The following PAIP2B variants were observed in gnomAD, a reference collection of about 807,000 sequenced individuals.
The protein encoded by PAIP2B is poly(A) binding protein interacting protein 2B.
In PAIP2B, 13 loss-of-function variants were observed where a neutral mutation model predicts 17.0. The observed-to-expected ratio is 0.76, with a 90% CI of 0.50 to 1.22. The LOEUF (loss-of-function observed/expected upper bound fraction) is 1.22, where lower values mean the gene tolerates loss of function less well. PAIP2B is among the 50% of genes most tolerant of loss of function. The probability of loss-of-function intolerance (pLI) is 0.00; values close to 1 mark genes in which losing one functional copy is unlikely to be tolerated. For synonymous variants in PAIP2B, 43 were observed against 48.7 expected, an observed-to-expected ratio of 0.88 and a Z score of 0.48; for missense variants, 117 against 144.5, an observed-to-expected ratio of 0.81 and a Z score of 0.98.
At chr2:71,199,447 G>A (rs973882907) in intron 2 of PAIP2B, among the ~76,000 whole-genome samples, 1 of 151,196 alleles carries the variant, frequency 6.6e-6, no homozygotes, top group African/African-American at 2.4e-5. Context: ...TGACCCATAA[G>A]ATTTTACAAT....
At chr2:71,188,636 G>C in intron 3 of PAIP2B, 101 bp from the exon 4 acceptor site, 1 of 994,966 alleles carries the variant, frequency 1.0e-6, no homozygotes, top group Non-Finnish European at 1.5e-6. Context: ...TTTAGGGAGA[G>C]AAAGAAAATT....
At chr2:71,207,051 A>G (rs1425680888) in intron 1 of PAIP2B, among the ~76,000 whole-genome samples, 2 of 152,182 alleles carry the variant, frequency 1.3e-5, no homozygotes, top group Non-Finnish European at 2.9e-5. Flanking sequence ...GTGCTGAGGC[A>G]CTGGGCTTGA....
chr2:71,206,565 T>A (rs942123069), intron 1 of PAIP2B, among the ~76,000 whole-genome samples: 21 of 152,216 alleles, frequency 1.4e-4, no homozygotes, highest in African/African-American at 5.1e-4. Flanking sequence ...TAGGGACTTA[T>A]GTTCCAAGTT....
intron 1 of PAIP2B, among the ~76,000 whole-genome samples, chr2:71,212,244 G>A (rs1236442565): frequency 3.9e-5 from 6 of 152,076 alleles, no homozygotes; most frequent in East Asian, 1.9e-4. Context: ...TACAATCTCC[G>A]AGCCTAAGGT....
In PAIP2B at chr2:71,182,844, T is replaced by G. The variant is rs1456984425; in HGVS notation, c.*5635A>C. On this transcript the variant is annotated 3_prime_UTR_variant, in exon 4 of 4. Coordinates refer to ENST00000244221, the MANE Select transcript of PAIP2B (RefSeq NM_020459.1). ...TTTTTGATATTTTTATGAAAATTAT[T>G]TTCTTCAGTTTTAAAGCCCTGTCCC... The G allele has an allele frequency of 6.6e-6, 1 of 152,076 alleles. No homozygotes were observed. Among genetic ancestry groups the G allele is most frequent in the Non-Finnish European group, 1.5e-5 (1 of 68,028 alleles). 9.4% of individuals were successfully genotyped at this position (152,076 alleles called of 1,614,324 possible).
intron 1 of PAIP2B, among the ~76,000 whole-genome samples, chr2:71,212,287 TTGTA>T (rs1675321312): frequency 6.6e-6 from 1 of 152,174 alleles, no homozygotes; most frequent in East Asian, 1.9e-4. Context: ...TCACATTTGA[TTGTA>T]TGTATATTTG....
chr2:71,188,614 C>T, intron 3 of PAIP2B, 79 bp from the exon 4 acceptor site: 2 of 1,212,776 alleles, frequency 1.6e-6, no homozygotes, highest in Non-Finnish European at 2.4e-6. Flanking sequence ...TTATCAGTAC[C>T]TTCCCCTTAG....
chr2:71,194,674 T>C (rs1295087234), intron 2 of PAIP2B, among the ~76,000 whole-genome samples: 1 of 152,238 alleles, frequency 6.6e-6, no homozygotes, highest in Non-Finnish European at 1.5e-5. Flanking sequence ...AATCATGTTG[T>C]CTGCAAACAG....
chr2:71,225,295 T>C (rs569855054), intron 1 of PAIP2B, among the ~76,000 whole-genome samples: 1 of 152,310 alleles, frequency 6.6e-6, no homozygotes, highest in East Asian at 1.9e-4. Flanking sequence ...TTTTTCTTTA[T>C]ATACAAGATA....
chr2:71,206,835 C>G (rs750356114), intron 1 of PAIP2B, among the ~76,000 whole-genome samples: 1 of 152,182 alleles, frequency 6.6e-6, no homozygotes, highest in Non-Finnish European at 1.5e-5. Context: ...AAACTACTCC[C>G]TCCTATTTTG....
At chr2:71,212,215 G>T (rs1048419558) in intron 1 of PAIP2B, among the ~76,000 whole-genome samples, 3 of 152,150 alleles carry the variant, frequency 2.0e-5, no homozygotes, top group African/African-American at 4.8e-5. Flanking sequence ...TCAAATAAAT[G>T]CCACTATAAA....
intron 1 of PAIP2B, among the ~76,000 whole-genome samples, 187 bp from the exon 2 acceptor site, chr2:71,202,787 T>C (rs1449550348): frequency 6.6e-6 from 1 of 152,164 alleles, no homozygotes; most frequent in Non-Finnish European, 1.5e-5. Flanking sequence ...ACTAGACAGA[T>C]GTACAATTAT....
At position 71,188,412 on chromosome 2, in the gene PAIP2B, C is replaced by T; in HGVS notation, c.*67G>A. 7.3e-7 allele frequency: 1 copy of T among 1,371,964 alleles called. No homozygotes were observed. The highest frequency in any genetic ancestry group is 1.0e-6 in the Non-Finnish European group (1 of 980,986). The allele number at this position is 1,371,964 out of a possible 1,614,324, so 85.0% of individuals were successfully genotyped here. A position where few individuals can be genotyped will look rare whatever the true frequency, so the allele number is the denominator to read the frequency against. On this transcript the variant is annotated 3_prime_UTR_variant, in exon 4 of 4. Transcript: ENST00000244221. ...GCCCGCCCCATCCCCCTCTTCAGCT[C>T]CACCATTTTGTGCATTACTATCCCC...
chr2:71,200,799 C>T (rs1218212195), intron 2 of PAIP2B, among the ~76,000 whole-genome samples: 1 of 152,044 alleles, frequency 6.6e-6, no homozygotes, highest in Non-Finnish European at 1.5e-5. Context: ...AATTATGTTG[C>T]CAAGCTAGTA....
chr2:71,202,327 A>G lies in PAIP2B; in HGVS notation c.138+125T>C, dbSNP rs529895995. 160 of 1,264,650 alleles carry G rather than the reference A, an allele frequency of 1.3e-4. 5 individuals are homozygous for G. The South Asian group carries it at 1.3e-3, about 10-fold the overall frequency. 78.3% of individuals were successfully genotyped at this position (1,264,650 alleles called of 1,614,324 possible). On this transcript the variant is annotated intron_variant, in intron 2 of 3. Coordinates refer to ENST00000244221, the MANE Select transcript of PAIP2B (RefSeq NM_020459.1). ...TCATTCCAGATGAGGCCCCCCACCAATGAATTTTTAAGTTATTCTAAAGCT... is the reference window on the plus strand; with the variant it reads ...TCATTCCAGATGAGGCCCCCCACCAGTGAATTTTTAAGTTATTCTAAAGCT...
chr2:71,204,599 G>T (rs1675075969), intron 1 of PAIP2B, among the ~76,000 whole-genome samples: 1 of 152,000 alleles, frequency 6.6e-6, no homozygotes, highest in Admixed American at 6.5e-5. Flanking sequence ...TTTAAATAAG[G>T]CTACTAATAT....
chr2:71,185,086 T>C lies in PAIP2B; in HGVS notation c.*3393A>G, dbSNP rs1410387226. ...CTAGTACAAGAAGATTCATTCGTGC[T>C]GTTTACTTTGGCAGCCTCTTCACAC... On this transcript the variant is annotated 3_prime_UTR_variant, in exon 4 of 4. Transcript: ENST00000244221. The C allele has an allele frequency of 3.3e-5, 5 of 152,234 alleles. No individual in the cohort carries two copies. Among genetic ancestry groups the C allele is most frequent in the Admixed American group, 3.3e-4 (5 of 15,278 alleles). 9.4% of individuals were successfully genotyped at this position (152,234 alleles called of 1,614,324 possible).
At chr2:71,194,890 G>C (rs1189831703) in intron 2 of PAIP2B, among the ~76,000 whole-genome samples, 2 of 152,112 alleles carry the variant, frequency 1.3e-5, no homozygotes, top group African/African-American at 2.4e-5. Context: ...TTATTATTTT[G>C]AGGTATATTC....
intron 1 of PAIP2B, among the ~76,000 whole-genome samples, chr2:71,226,478 G>C (rs886288704): frequency 6.6e-6 from 1 of 152,216 alleles, no homozygotes; most frequent in African/African-American, 2.4e-5. Flanking sequence ...GCCGCGAATA[G>C]GGGAAGGGCA....
Sources: allele counts gnomAD v4.1 joint callset (sites outside exome capture counted in the v4.1 genomes callset), GRCh38; gene constraint gnomAD v4.1.1; transcripts MANE v1.5; gene names NCBI Gene and HGNC (gene_info 2026-07-23, HGNC 2026-07-21).